Variants in TNK2 observed in about 807,000 individuals in gnomAD.
The protein encoded by TNK2 is tyrosine kinase non receptor 2.
A neutral mutation model predicts 101.8 loss-of-function variants in TNK2; 83 were observed. The ratio of observed to expected loss-of-function variants is 0.82; its 90% CI spans 0.68 to 0.98. The LOEUF is 0.98. Among genes scored for constraint, TNK2 ranks in the 50% least tolerant of loss-of-function variants. The probability of loss-of-function intolerance (pLI) is 0.00; values close to 1 mark genes in which losing one functional copy is unlikely to be tolerated. For missense variants in TNK2, 1,665 were observed against 1,483.2 expected, an observed-to-expected ratio of 1.12 and a Z score of -2.01; for synonymous variants, 804 against 633.0, an observed-to-expected ratio of 1.27 and a Z score of -4.06.
Position 195,868,449 on chromosome 3 carries a change from C to T in TNK2, c.1849G>A (p.Glu617Lys), listed in dbSNP as rs375132869. 39 of 1,561,760 alleles carry T rather than the reference C, an allele frequency of 2.5e-5. No individual in the cohort carries two copies. The highest frequency in any genetic ancestry group is 1.7e-4 in the Middle Eastern group (1 of 5,758). ...LAMDACSLLD[E>K]TPPQSPTRAL... is the part of the protein sequence containing the mutation. ...CGCGTGGGGCTCTGAGGCGGGGTCT[C>T]GTCCAGCAGGGAGCAGGCGTCCATG... The change falls in exon 13 of 16, where the codon GAG becomes AAG. Residue 617 changes from glutamate (E) to lysine (K), a missense_variant. Coordinates refer to ENST00000672887, the MANE Select transcript of TNK2 (RefSeq NM_001382273.1).
At chr3:195,907,426 T>C (rs1031199478) in intron 1 of TNK2, among the ~76,000 whole-genome samples, 2 of 152,192 alleles carry the variant, frequency 1.3e-5, no homozygotes, top group Non-Finnish European at 2.9e-5. Context: ...TGGGTCCATC[T>C]GACTCACAGC....
At chr3:195,892,985 G>A (rs1759214486) in intron 1 of TNK2, among the ~76,000 whole-genome samples, 1 of 151,888 alleles carries the variant, frequency 6.6e-6, no homozygotes, top group Non-Finnish European at 1.5e-5. Context: ...CCTGTCTCTG[G>A]CTTCTACCCC....
In TNK2 at chr3:195,863,858, A is replaced by ACAGGCCC. The variant is rs1738851467; in HGVS notation, c.*316_*322dup. On this transcript the variant is annotated 3_prime_UTR_variant, in exon 16 of 16. Coordinates refer to ENST00000672887, the MANE Select transcript of TNK2 (RefSeq NM_001382273.1). ...AGGGCCTGGGGGTACTACTCCACCC[A>ACAGGCCC]CAGGCCCCGCCCAGGACCAGGGCCA... The ACAGGCCC allele has an allele frequency of 2.7e-6, 1 of 366,086 alleles. No homozygotes were observed. The highest frequency in any genetic ancestry group is 5.0e-6 in the Non-Finnish European group (1 of 200,952). The allele number at this position is 366,086 out of a possible 1,614,324, so 22.7% of individuals were successfully genotyped here. A position where few individuals can be genotyped will look rare whatever the true frequency, so the allele number is the denominator to read the frequency against.
intron 10 of TNK2, 33 bp from the exon 11 acceptor site, chr3:195,870,238 G>C: frequency 1.2e-6 from 2 of 1,602,906 alleles, no homozygotes; most frequent in South Asian, 1.1e-5. Flanking sequence ...AAGAGAGCAG[G>C]GGAAGCGTGT....
intron 4 of TNK2, 165 bp downstream of exon 4, chr3:195,884,647 A>T: frequency 1.6e-6 from 1 of 613,742 alleles, no homozygotes; most frequent in African/African-American, 1.9e-5. Flanking sequence ...CCATCTCAAA[A>T]ATAAATAAAT....
chr3:195,864,940 C>T (rs1425375227), intron 15 of TNK2, among the ~76,000 whole-genome samples: 2 of 109,636 alleles, frequency 1.8e-5, no homozygotes, highest in East Asian at 2.7e-4. Flanking sequence ...ACAGGTGACA[C>T]GGAGTGCCTG....
Position 195,867,524 on chromosome 3 carries a change from C to A in TNK2, c.2774G>T (p.Arg925Leu). 2 of 1,540,266 alleles carry A rather than the reference C, an allele frequency of 1.3e-6. No individual in the cohort carries two copies. The highest frequency in any genetic ancestry group is 1.9e-5 in the Admixed American group (1 of 52,054). Residue 925 changes from arginine (R) to leucine (L), a missense_variant, in exon 13 of 16, where the codon CGG becomes CTG. Physicochemically the swap from Arg to Leu is moderately radical, Grantham distance 102 (BLOSUM62 -2). This residue lies in a region of TNK2 where 1,136 missense variants were observed against 894.9 expected (regional missense o/e 1.27). Transcript: ENST00000672887. Reference sequence around the variant, plus strand: ...GTCCAAGGCAGCCTGGGGCATCGGCCGCACGGTGGCCGTGGGGGCGGCGGG... The same window carrying A: ...GTCCAAGGCAGCCTGGGGCATCGGCAGCACGGTGGCCGTGGGGGCGGCGGG... ...PAPAAPTATV[R>L]PMPQAALDPK...
chr3:195,877,072 C>A (rs916967866), intron 9 of TNK2, among the ~76,000 whole-genome samples: 1 of 151,712 alleles, frequency 6.6e-6, no homozygotes, highest in African/African-American at 2.4e-5. Context: ...TTCCAGGGGA[C>A]CCCCCCACCC....
Position 195,868,523 on chromosome 3 carries a change from G to T in TNK2, c.1775C>A (p.Pro592His). The T allele has an allele frequency of 6.4e-7, 1 of 1,560,280 alleles. No individual in the cohort carries two copies. The highest frequency in any genetic ancestry group is 1.4e-5 in the African/African-American group (1 of 73,482). Residue 592 changes from proline to histidine, a missense_variant, in exon 13 of 16, where the codon CCC becomes CAC. This residue lies in a region of TNK2 where 1,136 missense variants were observed against 894.9 expected (regional missense o/e 1.27). Coordinates refer to ENST00000672887, the MANE Select transcript of TNK2 (RefSeq NM_001382273.1). ...GCAGGGCCGTAGGGCCGGGACCACG[G>T]GCTCCTCACCGAAGTCGATGAGCGT... ...EVTLIDFGEE[P>H]VVPALRPCAP... is the part of the protein sequence containing the mutation.
chr3:195,903,942 A>G (rs900278453), intron 1 of TNK2, among the ~76,000 whole-genome samples: 4 of 152,216 alleles, frequency 2.6e-5, no homozygotes, highest in Non-Finnish European at 5.9e-5. Context: ...TGGTATTTAC[A>G]TATACTAGCA....
chr3:195,870,122 C>T lies in TNK2; in HGVS notation c.1535G>A (p.Gly512Glu). 3 of 1,459,806 alleles carry T rather than the reference C, an allele frequency of 2.1e-6. No homozygotes were observed. The highest frequency in any genetic ancestry group is 1.4e-5 in the South Asian group (1 of 69,290). 90.4% of individuals were successfully genotyped at this position (1,459,806 alleles called of 1,614,324 possible). A position where few individuals can be genotyped will look rare whatever the true frequency, so the allele number is the denominator to read the frequency against. Residue 512 changes from glycine (G) to glutamate (E), a missense_variant, in exon 11 of 16, where the codon GGG becomes GAG. Gly to Glu is a moderately conservative substitution (Grantham distance 98). This residue lies in a region of TNK2 where 1,136 missense variants were observed against 894.9 expected (regional missense o/e 1.27). Coordinates refer to ENST00000672887, the MANE Select transcript of TNK2 (RefSeq NM_001382273.1). ...AGCAGAGGGGCTCTTACTTTTCACC[C>T]CTCCTAGATGCTGGGGGGGCCGGGA... is the stretch of plus-strand genomic sequence containing the variant. The part of the protein sequence containing the change: ...STSRPPQHLG[G>E]VKREPPPRPP...
Position 195,872,476 on chromosome 3 carries a change from C to A in TNK2, c.1257-6G>T. On this transcript the variant is annotated splice_region_variant and splice_polypyrimidine_tract_variant and intron_variant, in intron 9 of 15. Coordinates refer to ENST00000672887, the MANE Select transcript of TNK2 (RefSeq NM_001382273.1). ...GCCACCAGTAGTTCTCGGCCCTGCGCGACAGAGATGGCACGGTGAACGCCA... is the reference window on the plus strand; with the variant it reads ...GCCACCAGTAGTTCTCGGCCCTGCGAGACAGAGATGGCACGGTGAACGCCA... 5 of 1,574,948 alleles carry A rather than the reference C, an allele frequency of 3.2e-6. No individual in the cohort carries two copies. The highest frequency in any genetic ancestry group is 4.3e-6 in the Non-Finnish European group (5 of 1,157,680).
At chr3:195,869,248 C>T (rs1476442899) in intron 12 of TNK2, 2 of 594,398 alleles carry the variant, frequency 3.4e-6, no homozygotes, top group Admixed American at 3.0e-5. Flanking sequence ...TCCAGAAGCT[C>T]AGACAGGTCT....
rs1162508255 is a variant in TNK2 at position 195,880,409 on chromosome 3, A to ACC, written c.888-1236_888-1235dup. 2.4e-5 allele frequency among the ~76,000 whole-genome samples: 3 copies of ACC among 125,574 alleles called. No individual in the cohort carries two copies. In the East Asian group the frequency reaches 7.1e-4, roughly 30 times the overall value. 82.4% of individuals were successfully genotyped at this position (125,574 alleles called of 152,430 possible). A position where few individuals can be genotyped will look rare whatever the true frequency, so the allele number is the denominator to read the frequency against. On this transcript the variant is annotated intron_variant, in intron 6 of 15. Coordinates refer to ENST00000672887, the MANE Select transcript of TNK2 (RefSeq NM_001382273.1). ...AGGACACAGCATCTATCCCTGTAAC[A>ACC]CCCCCCCAGCAATGCCCCTTGAAGA...
At chr3:195,897,276 G>A (rs997403299) in intron 1 of TNK2, among the ~76,000 whole-genome samples, 2 of 152,216 alleles carry the variant, frequency 1.3e-5, no homozygotes, top group African/African-American at 2.4e-5. Context: ...AGGTCGGCTG[G>A]GCCTGACATC....
intron 9 of TNK2, chr3:195,876,524 G>A (rs1168498268): frequency 4.4e-6 from 2 of 456,688 alleles, no homozygotes; most frequent in Non-Finnish European, 8.8e-6. Context: ...GAAACAAGGG[G>A]GCAGAGTCAA....
At chr3:195,897,551 G>A (rs1760742706) in intron 1 of TNK2, among the ~76,000 whole-genome samples, 1 of 152,162 alleles carries the variant, frequency 6.6e-6, no homozygotes, top group Non-Finnish European at 1.5e-5. Context: ...CCCTAGACTG[G>A]AGTGCAGTGG....
chr3:195,904,645 A>T (rs898331028), intron 1 of TNK2, among the ~76,000 whole-genome samples: 2 of 152,224 alleles, frequency 1.3e-5, no homozygotes, highest in Admixed American at 6.5e-5. Flanking sequence ...TGTATTTACC[A>T]CCACTGCAGA....
intron 5 of TNK2, 121 bp downstream of exon 5, chr3:195,883,036 G>A: frequency 8.0e-7 from 1 of 1,250,086 alleles, no homozygotes; most frequent in East Asian, 2.5e-5. Flanking sequence ...TACTCCATCA[G>A]GTTGGGGGAC....
Sources: gnomAD v4.1 joint callset for allele counts (sites outside exome capture counted in the v4.1 genomes callset) on GRCh38, gnomAD v4.1.1 for gene constraint, gnomAD v4.1.1 regional missense constraint, MANE v1.5 for transcripts, NCBI Gene and HGNC (gene_info 2026-07-23, HGNC 2026-07-21) for gene names.